Variants in MUC17 observed in about 807,000 individuals in gnomAD.
MUC17 encodes mucin 17, cell surface associated.
In MUC17, 190 loss-of-function variants were observed where a neutral mutation model predicts 170.3. The ratio of observed to expected loss-of-function variants is 1.12; its 90% CI spans 0.99 to 1.26. MUC17 has a LOEUF of 1.26. Among genes scored for constraint, MUC17 ranks in the 50% most tolerant of loss-of-function variants. MUC17 has a pLI of 0.00. For missense variants in MUC17, 6,415 were observed against 5,530.0 expected (o/e 1.16, Z -5.08); for synonymous variants, 2,325 against 2,002.5 (o/e 1.16, Z -4.30).
Position 101,040,245 on chromosome 7 carries a change from T to A in MUC17, c.8829T>A (p.Ser2943=). 1 of 1,611,586 alleles carries A rather than the reference T, an allele frequency of 6.2e-7. No homozygotes were observed. Among genetic ancestry groups the A allele is most frequent in the South Asian group, 1.1e-5 (1 of 90,786 alleles). ...ILVSTVPVAG[S]EASTLSTTPV... Reference sequence around the variant, plus strand: ...TCAGCACCGTGCCAGTGGCCGGTTCTGAGGCTAGCACCCTTTCAACAACTC... The same window carrying A: ...TCAGCACCGTGCCAGTGGCCGGTTCAGAGGCTAGCACCCTTTCAACAACTC... Residue 2943 remains serine, a synonymous_variant, in exon 3 of 13, where the codon TCT becomes TCA. Coordinates refer to ENST00000306151, the MANE Select transcript of MUC17 (RefSeq NM_001040105.2).
rs151191369 is a variant in MUC17 at position 101,038,133 on chromosome 7, C to G, written c.6717C>G (p.Thr2239=). The G allele has an allele frequency of 6.0e-5, 97 of 1,607,600 alleles. No homozygotes were observed. The highest frequency in any genetic ancestry group is 1.7e-4 in the Middle Eastern group (1 of 6,042). The change falls in exon 3 of 13, where the codon ACC becomes ACG. Residue 2239 remains threonine (T), a synonymous_variant. Transcript: ENST00000306151. Reference sequence around the variant, plus strand: ...CGGTAGTTACTTCTGAGGCTAGCACCCTTTCAGCAACTCCTGTTGACACCA... The same window carrying G: ...CGGTAGTTACTTCTGAGGCTAGCACGCTTTCAGCAACTCCTGTTGACACCA... ...TMPVVTSEAS[T]LSATPVDTST...
chr7:101,038,810 C>G lies in MUC17; in HGVS notation c.7394C>G (p.Thr2465Ser). The change falls in exon 3 of 13, where the codon ACC becomes AGC. Residue 2465 changes from threonine to serine, a missense_variant. Transcript: ENST00000306151. Reference sequence around the variant, plus strand: ...CCGTTAGCAAGTATGCCTGTCAGCACCACGCCGGTGGTCAGTTCTGAGGCT... The same window carrying G: ...CCGTTAGCAAGTATGCCTGTCAGCAGCACGCCGGTGGTCAGTTCTGAGGCT... Reference protein sequence around the residue: ...TTPLASMPVSTTPVVSSEAGT... With the variant: ...TTPLASMPVSSTPVVSSEAGT... 1 of 1,612,822 alleles carries G rather than the reference C, an allele frequency of 6.2e-7. No individual in the cohort carries two copies. Among genetic ancestry groups the G allele is most frequent in the Non-Finnish European group, 8.5e-7 (1 of 1,179,446 alleles).
Position 101,035,724 on chromosome 7 carries a change from T to C in MUC17, c.4308T>C (p.Ser1436=), listed in dbSNP as rs556261069. 3.1e-6 allele frequency: 5 copies of C among 1,609,740 alleles called. No homozygotes were observed. In the Admixed American group the frequency reaches 6.7e-5, roughly 22 times the overall value. The change falls in exon 3 of 13, where the codon TCT becomes TCC. Residue 1436 remains serine (S), a synonymous_variant. Coordinates refer to ENST00000306151, the MANE Select transcript of MUC17 (RefSeq NM_001040105.2). ...CCACTTCTGCTGAAGCCACTTCATC[T>C]CCTACAACTGCTGAAGGTATCAGCA... ...PGTTSAEATS[S]PTTAEGISIP...
Position 101,032,835 on chromosome 7 carries a change from A to G in MUC17, c.1419A>G (p.Ser473=), listed in dbSNP as rs772110201. The part of the protein sequence containing the change: ...PVASSEASNL[S]TTPVDSKTQV... Reference sequence around the variant, plus strand: ...CCAGTTCTGAGGCTAGCAACCTTTCAACAACTCCTGTTGACTCCAAAACTC... The same window carrying G: ...CCAGTTCTGAGGCTAGCAACCTTTCGACAACTCCTGTTGACTCCAAAACTC... Residue 473 remains serine, a synonymous_variant, in exon 3 of 13, where the codon TCA becomes TCG. Coordinates refer to ENST00000306151, the MANE Select transcript of MUC17 (RefSeq NM_001040105.2). 15 of 1,613,826 alleles carry G rather than the reference A, an allele frequency of 9.3e-6. No individual in the cohort carries two copies. In the Admixed American group the frequency reaches 2.3e-4, roughly 25 times the overall value.
At chr7:101,049,096 G>A (rs900171909) in intron 5 of MUC17, 124 bp downstream of exon 5, 67 of 1,471,870 alleles carry the variant, frequency 4.6e-5, no homozygotes, top group Middle Eastern at 2.3e-4. Context: ...AGGCCCCCAC[G>A]TCCTCAGGGC....
Position 101,033,974 on chromosome 7 carries a change from C to A in MUC17, c.2558C>A (p.Thr853Asn), listed in dbSNP as rs140905069. The A allele has an allele frequency of 2.5e-6, 4 of 1,603,060 alleles. No homozygotes were observed. Among genetic ancestry groups the A allele is most frequent in the Non-Finnish European group, 2.6e-6 (3 of 1,173,906 alleles). The part of the protein sequence containing the change: ...VSSSPTPAEG[T>N]SMPTSTYSEG... Reference sequence around the variant, plus strand: ...TCATCTCCTACACCTGCTGAAGGTACCAGCATGCCAACCTCAACTTATAGT... The same window carrying A: ...TCATCTCCTACACCTGCTGAAGGTAACAGCATGCCAACCTCAACTTATAGT... Residue 853 changes from threonine (T) to asparagine (N), a missense_variant, in exon 3 of 13, where the codon ACC becomes AAC. Coordinates refer to ENST00000306151, the MANE Select transcript of MUC17 (RefSeq NM_001040105.2).
rs761434534 is a variant in MUC17 at position 101,033,925 on chromosome 7, G to A, written c.2509G>A (p.Val837Met). 6.2e-7 allele frequency: 1 copy of A among 1,613,130 alleles called. No homozygotes were observed. Among genetic ancestry groups the A allele is most frequent in the East Asian group, 2.2e-5 (1 of 44,774 alleles). The change falls in exon 3 of 13, where the codon GTG (valine) becomes ATG (methionine). Residue 837 changes from valine (V) to methionine (M), a missense_variant. Transcript: ENST00000306151. The stretch of plus-strand genomic sequence containing the variant: ...AACTCCTGTTGACTCCAACAGTCCT[G>A]TGACCACTTCTACTGAAGTCAGTTC... ...STTPVDSNSP[V>M]TTSTEVSSSP...
At chr7:101,056,751 C>T (rs1204274777) in intron 12 of MUC17, among the ~76,000 whole-genome samples, 1 of 152,184 alleles carries the variant, frequency 6.6e-6, no homozygotes, top group African/African-American at 2.4e-5. Flanking sequence ...ACACACTTCC[C>T]AATACCACGA....
At chr7:101,047,543 G>T (rs991153224) in intron 3 of MUC17, among the ~76,000 whole-genome samples, 15 of 152,046 alleles carry the variant, frequency 9.9e-5, no homozygotes, top group African/African-American at 3.6e-4. Flanking sequence ...ATTAGGCAGT[G>T]TCGGAGCCGG....
In MUC17 at chr7:101,043,299, A is replaced by G. The variant is rs753393259; in HGVS notation, c.11883A>G (p.Val3961=). The G allele has an allele frequency of 3.7e-6, 6 of 1,614,148 alleles. No individual in the cohort carries two copies. The South Asian group carries it at 5.5e-5, about 15-fold the overall frequency. Residue 3961 remains valine (V), a synonymous_variant, in exon 3 of 13, where the codon GTA becomes GTG. Transcript: ENST00000306151. ...TCTTTCCTGCAACAACTGGTGCTGTATCTACCCCTGTGATAACTTCCACTG... is the reference window on the plus strand; with the variant it reads ...TCTTTCCTGCAACAACTGGTGCTGTGTCTACCCCTGTGATAACTTCCACTG... The part of the protein sequence containing the change: ...ADVFPATTGA[V]STPVITSTEL...
At position 101,036,750 on chromosome 7, in the gene MUC17, C is replaced by T. The variant is rs139275375; in HGVS notation, c.5334C>T (p.Thr1778=). The T allele has an allele frequency of 1.6e-5, 25 of 1,593,140 alleles. 1 individual carries two copies. In the African/African-American group the frequency reaches 3.0e-4, roughly 19 times the overall value. The change falls in exon 3 of 13, where the codon ACC becomes ACT. Residue 1778 remains threonine, a synonymous_variant. Transcript: ENST00000306151. ...TLSATPIDTS[T]PVTTSTEATS... is the part of the protein sequence containing the mutation. ...CAGCAACTCCTATTGACACCAGCACCCCTGTGACCACTTCTACTGAAGCCA... is the reference window on the plus strand; with the variant it reads ...CAGCAACTCCTATTGACACCAGCACTCCTGTGACCACTTCTACTGAAGCCA...
intron 3 of MUC17, among the ~76,000 whole-genome samples, chr7:101,046,537 A>G (rs980287095): frequency 6.6e-6 from 1 of 152,140 alleles, no homozygotes; most frequent in Admixed American, 6.5e-5. Context: ...GGATTTTGTG[A>G]GGCTGAGACT....
intron 1 of MUC17, among the ~76,000 whole-genome samples, chr7:101,030,022 C>T (rs985163721): frequency 2.0e-5 from 3 of 152,072 alleles, no homozygotes; most frequent in Admixed American, 1.3e-4. Context: ...TAAGAAATTC[C>T]ATAAATCTAA....
In MUC17 at chr7:101,043,742, C is replaced by G. The variant is rs373695392; in HGVS notation, c.12326C>G (p.Thr4109Ser). 6.2e-7 allele frequency: 1 copy of G among 1,614,086 alleles called. No individual in the cohort carries two copies. Among genetic ancestry groups the G allele is most frequent in the Non-Finnish European group, 8.5e-7 (1 of 1,180,038 alleles). ...CGGACCACTTCCTTCCCCACGGTGA[C>G]CACCACCGCTGTCCCCACGAATACT... The part of the protein sequence containing the change: ...STRTTSFPTV[T>S]TTAVPTNTTI... The change falls in exon 3 of 13, where the codon ACC becomes AGC. Residue 4109 changes from threonine (T) to serine (S), a missense_variant. Thr to Ser is a moderately conservative substitution (Grantham distance 58). Transcript: ENST00000306151.
At position 101,037,972 on chromosome 7, in the gene MUC17, G is replaced by T. The variant is rs1794544481; in HGVS notation, c.6556G>T (p.Val2186Phe). ...AATCAGCACCCTTTCAACAACTCCT[G>T]TTGACACCAGCACACCTGTGACCAA... ...SAISTLSTTP[V>F]DTSTPVTNST... Residue 2186 changes from valine to phenylalanine, a missense_variant, in exon 3 of 13, where the codon GTT becomes TTT. By Grantham distance (50) the Val-to-Phe change is conservative (BLOSUM62 -1). Transcript: ENST00000306151. The T allele has an allele frequency of 6.2e-7, 1 of 1,608,536 alleles. No individual in the cohort carries two copies. The highest frequency in any genetic ancestry group is 8.5e-7 in the Non-Finnish European group (1 of 1,176,750).
At position 101,039,800 on chromosome 7, in the gene MUC17, C is replaced by A; in HGVS notation, c.8384C>A (p.Ala2795Asp). 2 of 1,609,308 alleles carry A rather than the reference C, an allele frequency of 1.2e-6. No homozygotes were observed. The highest frequency in any genetic ancestry group is 1.7e-6 in the Non-Finnish European group (2 of 1,177,010). The change falls in exon 3 of 13, where the codon GCT becomes GAT. Residue 2795 changes from alanine to aspartate, a missense_variant. By Grantham distance (126) the Ala-to-Asp change is moderately radical (BLOSUM62 -2). Coordinates refer to ENST00000306151, the MANE Select transcript of MUC17 (RefSeq NM_001040105.2). ...STEASSSPTT[A>D]EVTSMPTSTP... ...GAAGCCAGTTCCTCTCCTACAACTG[C>A]TGAAGTTACCAGCATGCCAACCTCA...
intron 12 of MUC17, among the ~76,000 whole-genome samples, chr7:101,057,271 T>C (rs1170792145): frequency 2.0e-5 from 3 of 152,194 alleles, no homozygotes; most frequent in African/African-American, 7.2e-5. Context: ...TTAAACTAGA[T>C]GGATATTTGA....
rs767318047 is a variant in MUC17, at chr7:101,035,590, A to G, written c.4174A>G (p.Ser1392Gly). ...EGTSMPNSNP[S>G]EGTTPLTSIP... ...TACCAGCATGCCAAACTCAAATCCT[A>G]GTGAAGGAACCACTCCGTTAACAAG... The change falls in exon 3 of 13, where the codon AGT becomes GGT. Residue 1392 changes from serine (S) to glycine (G), a missense_variant. Ser to Gly is a moderately conservative substitution (Grantham distance 56). Coordinates refer to ENST00000306151, the MANE Select transcript of MUC17 (RefSeq NM_001040105.2). The G allele has an allele frequency of 1.2e-6, 2 of 1,613,310 alleles. No individual in the cohort carries two copies. Among genetic ancestry groups the G allele is most frequent in the Non-Finnish European group, 1.7e-6 (2 of 1,179,826 alleles).
chr7:101,024,555 G>A (rs1794148241), intron 1 of MUC17, among the ~76,000 whole-genome samples: 1 of 152,144 alleles, frequency 6.6e-6, no homozygotes, highest in Non-Finnish European at 1.5e-5. Flanking sequence ...CAGTGGGGAG[G>A]TAGTTGCCTG....
Sources: gnomAD v4.1 joint callset for allele counts (sites outside exome capture counted in the v4.1 genomes callset) on GRCh38, gnomAD v4.1.1 for gene constraint, MANE v1.5 for transcripts, NCBI Gene and HGNC (gene_info 2026-07-23, HGNC 2026-07-21) for gene names.